QSOX1: variants seen among roughly 807,000 people sequenced by gnomAD.
QSOX1 encodes sulfhydryl oxidase 1.
A neutral mutation model predicts 76.1 loss-of-function variants in QSOX1; 40 were observed. The ratio of observed to expected loss-of-function variants is 0.53; its 90% confidence interval spans 0.41 to 0.68. QSOX1 has a LOEUF of 0.68. Ranked by LOEUF, QSOX1 falls within the 30% of genes least tolerant of loss-of-function variation. QSOX1 has a pLI of 0.00. For synonymous variants in QSOX1, 392 were observed against 413.1 expected, an observed-to-expected ratio of 0.95 and a Z score of 0.62; for missense variants, 931 against 974.3, an observed-to-expected ratio of 0.96 and a Z score of 0.59.
chr1:180,194,676 C>T (rs1030196038), intron 11 of QSOX1, among the ~76,000 whole-genome samples: 6 of 152,238 alleles, frequency 3.9e-5, no homozygotes, highest in South Asian at 2.1e-4. Context: ...TCCCCTGCTC[C>T]GTCTTCTGGC....
chr1:180,182,264 G>A lies in QSOX1; in HGVS notation c.697G>A (p.Asp233Asn), dbSNP rs570361846. 1.2e-5 allele frequency: 20 copies of A among 1,614,224 alleles called. No individual in the cohort carries two copies. In the South Asian group the frequency reaches 1.9e-4, roughly 15 times the overall value. Residue 233 changes from aspartate to asparagine, a missense_variant, in exon 6 of 12, where the codon GAC becomes AAC. Asp to Asn is a conservative substitution (Grantham distance 23). Transcript: ENST00000367602. ...ANVVRKFGVTDFPSCYLLFRN... is the reference protein window; with the variant it reads ...ANVVRKFGVTNFPSCYLLFRN... ...TGTGGTGAGAAAGTTTGGTGTCACCGACTTCCCCTCTTGCTACCTGCTGTT... is the reference window on the plus strand; with the variant it reads ...TGTGGTGAGAAAGTTTGGTGTCACCAACTTCCCCTCTTGCTACCTGCTGTT...
In QSOX1 at chr1:180,164,546, C is replaced by T. The variant is rs929103160; in HGVS notation, c.266-1945C>T. 1.3e-4 allele frequency among the ~76,000 whole-genome samples: 20 copies of T among 152,350 alleles called. 1 individual carries two copies. In the South Asian group the frequency reaches 4.1e-3, roughly 32 times the overall value. On this transcript the variant is annotated intron_variant, in intron 1 of 11. Transcript: ENST00000367602. ...CCTTCCTCCCAGCTCGCAGAGCCCCCTCCCTTGTATCAGCCCCAAGAAGGG... is the reference window on the plus strand; with the variant it reads ...CCTTCCTCCCAGCTCGCAGAGCCCCTTCCCTTGTATCAGCCCCAAGAAGGG...
chr1:180,190,386 A>T (rs1663278415), intron 9 of QSOX1, 47 bp from the exon 10 acceptor site: 1 of 1,575,562 alleles, frequency 6.3e-7, no homozygotes, highest in African/African-American at 1.4e-5. Flanking sequence ...TGCCTCTCCC[A>T]TCCTTTTCCT....
At chr1:180,183,168 C>T (rs13375388) in intron 6 of QSOX1, among the ~76,000 whole-genome samples, 2 of 152,026 alleles carry the variant, frequency 1.3e-5, no homozygotes, top group South Asian at 2.1e-4. Flanking sequence ...TGCTGCCTCC[C>T]GAGCCATCTG....
chr1:180,165,377 G>A (rs1662590363), intron 1 of QSOX1, among the ~76,000 whole-genome samples: 1 of 152,208 alleles, frequency 6.6e-6, no homozygotes, highest in Non-Finnish European at 1.5e-5. Flanking sequence ...ATCCTGAGCT[G>A]TCCAGGCAGA....
intron 10 of QSOX1, among the ~76,000 whole-genome samples, chr1:180,193,093 A>G (rs1324306212): frequency 6.6e-6 from 1 of 151,980 alleles, no homozygotes; most frequent in East Asian, 1.9e-4. Flanking sequence ...AGAGACCAGG[A>G]GGCAAGATTC....
chr1:180,193,261 G>C lies in QSOX1; in HGVS notation c.1289-952G>C, dbSNP rs182659466. On this transcript the variant is annotated intron_variant, in intron 10 of 11. Transcript: ENST00000367602. The stretch of plus-strand genomic sequence containing the variant: ...GAGTGAAATCCTGGAGGTGAGGAGT[G>C]GGGTAACCCGAGCAGCAGCGGAGAC... Among the ~76,000 whole-genome samples the C allele has an allele frequency of 1.7e-3, 261 of 152,104 alleles. 1 individual carries two copies. Among genetic ancestry groups the C allele is most frequent in the Middle Eastern group, 0.017 (5 of 294 alleles).
rs780215770 is a variant in QSOX1 at position 180,182,289 on chromosome 1, T to G, written c.722T>G (p.Phe241Cys). The change falls in exon 6 of 12, where the codon TTC becomes TGC. Residue 241 changes from phenylalanine (F) to cysteine (C), a missense_variant. Phe to Cys is a radical substitution (Grantham distance 205). Coordinates refer to ENST00000367602, the MANE Select transcript of QSOX1 (RefSeq NM_002826.5). ...VTDFPSCYLLFRNGSVSRVPV... is the reference protein window; with the variant it reads ...VTDFPSCYLLCRNGSVSRVPV... The stretch of plus-strand genomic sequence containing the variant: ...GACTTCCCCTCTTGCTACCTGCTGT[T>G]CCGGAATGGCTCTGTCTCCCGAGTC... The G allele has an allele frequency of 1.9e-6, 3 of 1,614,264 alleles. No individual in the cohort carries two copies. In the South Asian group the frequency reaches 3.3e-5, roughly 18 times the overall value.
Position 180,154,923 on chromosome 1 carries a change from A to G in QSOX1, c.16A>G (p.Ser6Gly). The G allele has an allele frequency of 6.8e-7, 1 of 1,465,718 alleles. No individual in the cohort carries two copies. The highest frequency in any genetic ancestry group is 8.9e-7 in the Non-Finnish European group (1 of 1,117,364). 90.8% of individuals were successfully genotyped at this position (1,465,718 alleles called of 1,614,324 possible). The change falls in exon 1 of 12, where the codon AGC (serine) becomes GGC (glycine). Residue 6 changes from serine (S) to glycine (G), a missense_variant. By Grantham distance (56) the Ser-to-Gly change is moderately conservative. Transcript: ENST00000367602. ...AGCGCCGAGGATGAGGAGGTGCAACAGCGGCTCCGGGCCGCCGCCGTCGCT... is the reference window on the plus strand; with the variant it reads ...AGCGCCGAGGATGAGGAGGTGCAACGGCGGCTCCGGGCCGCCGCCGTCGCT... MRRCN[S>G]GSGPPPSLLL...
chr1:180,155,436 C>T (rs1355876570), intron 1 of QSOX1, among the ~76,000 whole-genome samples: 3 of 152,188 alleles, frequency 2.0e-5, no homozygotes, highest in African/African-American at 7.2e-5. Context: ...CCTGCTCGCC[C>T]GGTTCGTCCC....
chr1:180,196,151 G>T lies in QSOX1; in HGVS notation c.1469-111G>T. ...ATTACCCATCCTCTGGAAGGGCAGT[G>T]GCGAGCCCTTTCTGCAGACAAGGAA... is the stretch of plus-strand genomic sequence containing the variant. On this transcript the variant is annotated intron_variant, in intron 11 of 11. Transcript: ENST00000367602. The surrounding 1 kb of genome is among the most constrained non-coding windows in gnomAD (Gnocchi z 4.1). 7.4e-7 allele frequency: 1 copy of T among 1,344,494 alleles called. No individual in the cohort carries two copies. The highest frequency in any genetic ancestry group is 1.0e-6 in the Non-Finnish European group (1 of 983,182). 83.3% of individuals were successfully genotyped at this position (1,344,494 alleles called of 1,614,324 possible).
In QSOX1 at chr1:180,178,844, C is replaced by G; in HGVS notation, c.566C>G (p.Ala189Gly). 1 of 1,613,994 alleles carries G rather than the reference C, an allele frequency of 6.2e-7. No individual in the cohort carries two copies. The highest frequency in any genetic ancestry group is 2.2e-5 in the East Asian group (1 of 44,882). Residue 189 changes from alanine (A) to glycine (G), a missense_variant, in exon 5 of 12, where the codon GCT (alanine) becomes GGT (glycine). Coordinates refer to ENST00000367602, the MANE Select transcript of QSOX1 (RefSeq NM_002826.5). ...FFARNNEEYLALIFEKGGSYL... is the reference protein window; with the variant it reads ...FFARNNEEYLGLIFEKGGSYL... ...GCGAGAAATAACGAAGAGTACCTGG[C>G]TCTGATCTTTGAAAAGGGAGGCTCC...
intron 8 of QSOX1, 83 bp downstream of exon 8, chr1:180,186,265 G>A (rs1443315774): frequency 5.2e-6 from 8 of 1,527,750 alleles, no homozygotes; most frequent in African/African-American, 4.1e-5. Flanking sequence ...CACCCCGTCA[G>A]CCCCTCCCTC....
At chr1:180,194,149 G>A in intron 10 of QSOX1, 64 bp from the exon 11 acceptor site, 1 of 1,493,328 alleles carries the variant, frequency 6.7e-7, no homozygotes, top group Non-Finnish European at 9.1e-7. Flanking sequence ...GTGGCCTGGG[G>A]AGGCAACGGC....
At chr1:180,191,384 G>C (rs1663306966) in intron 10 of QSOX1, among the ~76,000 whole-genome samples, 1 of 152,202 alleles carries the variant, frequency 6.6e-6, no homozygotes, top group African/African-American at 2.4e-5. Context: ...GCCTTACGGG[G>C]TGAGTTGAGG....
Position 180,175,957 on chromosome 1 carries a change from C to G in QSOX1, c.439C>G (p.Arg147Gly), listed in dbSNP as rs770506728. 6.3e-7 allele frequency: 1 copy of G among 1,598,900 alleles called. No homozygotes were observed. The highest frequency in any genetic ancestry group is 1.1e-5 in the South Asian group (1 of 88,420). The change falls in exon 4 of 12, where the codon CGG (arginine) becomes GGG (glycine). Residue 147 changes from arginine to glycine, a missense_variant. Coordinates refer to ENST00000367602, the MANE Select transcript of QSOX1 (RefSeq NM_002826.5). ...GGCTGGTGCTGACGTGCAGACACTG[C>G]GGGAGAGGCTCATTGACGCCCTGGA... ...PVAGADVQTL[R>G]ERLIDALESH...
Position 180,203,458 on chromosome 1 carries a change from C to T in QSOX1, c.*6421C>T, listed in dbSNP as rs1353561051. On this transcript the variant is annotated 3_prime_UTR_variant, in exon 12 of 12. Transcript: ENST00000367602. ...CCTCAGGGGCCCACAACTGCAGAGC[C>T]CCTGACAGTGAGTGTCTCAGTAGCC... is the stretch of plus-strand genomic sequence containing the variant. The T allele has an allele frequency of 6.6e-6, 1 of 152,190 alleles. No individual in the cohort carries two copies. The highest frequency in any genetic ancestry group is 3.2e-3 in the Middle Eastern group (1 of 316). 9.4% of individuals were successfully genotyped at this position (152,190 alleles called of 1,614,324 possible).
chr1:180,155,909 A>G lies in QSOX1; in HGVS notation c.265+737A>G, dbSNP rs538962179. Among the ~76,000 whole-genome samples the G allele has an allele frequency of 6.0e-4, 91 of 152,202 alleles. No homozygotes were observed. The Middle Eastern group carries it at 0.024, about 40-fold the overall frequency. On this transcript the variant is annotated intron_variant, in intron 1 of 11. Transcript: ENST00000367602. Reference sequence around the variant, plus strand: ...GTTTGGCTCTTGCTCCATGTTCCCAATCCCTGGTTGGGGCACCAAAACTAT... The same window carrying G: ...GTTTGGCTCTTGCTCCATGTTCCCAGTCCCTGGTTGGGGCACCAAAACTAT...
chr1:180,172,082 A>G (rs3767185), intron 2 of QSOX1, among the ~76,000 whole-genome samples: 113,113 of 152,030 alleles, frequency 0.74, 44,387 homozygotes, highest in Non-Finnish European at 0.86. Flanking sequence ...TTCCAGGAAC[A>G]TTGGCAGCAT....
Sources: gnomAD v4.1 joint callset for allele counts (sites outside exome capture counted in the v4.1 genomes callset) on GRCh38, gnomAD v4.1.1 for gene constraint, Gnocchi (gnomAD v3.1) non-coding constraint, MANE v1.5 for transcripts, NCBI Gene and HGNC (gene_info 2026-07-23, HGNC 2026-07-21) for gene names.